Variants in CACNA1C observed in about 807,000 individuals in gnomAD.
CACNA1C encodes calcium voltage-gated channel subunit alpha1 C.
A neutral mutation model predicts 229.0 loss-of-function variants in CACNA1C; 30 were observed. The observed-to-expected ratio is 0.13, with a 90% CI of 0.10 to 0.18. The LOEUF is 0.18. CACNA1C is among the 10% of genes least tolerant of loss of function. The probability of loss-of-function intolerance (pLI) is 1.00; values close to 1 mark genes in which losing one functional copy is unlikely to be tolerated. For synonymous variants in CACNA1C, 1,114 were observed against 1,132.5 expected, an observed-to-expected ratio of 0.98 and a Z score of 0.33; for missense variants, 1,658 against 2,845.0, an observed-to-expected ratio of 0.58 and a Z score of 9.49.
At chr12:2,675,227 C>T (rs1418074109) in intron 39 of CACNA1C, among the ~76,000 whole-genome samples, 4 of 151,944 alleles carry the variant, frequency 2.6e-5, no homozygotes, top group Non-Finnish European at 5.9e-5. Context: ...AATATAATGC[C>T]TTCACTCTAA....
intron 28 of CACNA1C, among the ~76,000 whole-genome samples, chr12:2,610,979 G>A (rs1473531152): frequency 4.6e-5 from 7 of 151,904 alleles, no homozygotes; most frequent in Admixed American, 1.3e-4. Flanking sequence ...TGGAGAGAGG[G>A]GAGGAGATGG....
At position 2,275,399 on chromosome 12, in the gene CACNA1C, G is replaced by A. The variant is rs1213916012; in HGVS notation, c.477+154969G>A. Among the ~76,000 whole-genome samples the A allele has an allele frequency of 6.6e-6, 1 of 152,062 alleles. No individual in the cohort carries two copies. Among genetic ancestry groups the A allele is most frequent in the Non-Finnish European group, 1.5e-5 (1 of 68,024 alleles). The stretch of plus-strand genomic sequence containing the variant: ...CTGGCTGTGTCTTCCCGGAAGGCTC[G>A]TGCCCGCACAGATTGTCTGGTGAGC... On this transcript the variant is annotated intron_variant, in intron 3 of 46. Coordinates refer to ENST00000399655, the MANE Select transcript of CACNA1C (RefSeq NM_000719.7). The surrounding 1 kb of genome is among the most constrained non-coding windows in gnomAD (Gnocchi z 4.1).
At chr12:2,065,836 G>A (rs553506297) in intron 1 of CACNA1C, among the ~76,000 whole-genome samples, 7 of 152,300 alleles carry the variant, frequency 4.6e-5, no homozygotes, top group South Asian at 2.1e-4. Context: ...AGGGATGTGC[G>A]TTGGATTTCA....
intron 1 of CACNA1C, among the ~76,000 whole-genome samples, chr12:1,987,133 C>T (rs906695439): frequency 1.3e-5 from 2 of 152,206 alleles, no homozygotes; most frequent in Admixed American, 6.5e-5. Context: ...CCCAGCTTTA[C>T]AAACGATTTG....
intron 3 of CACNA1C, among the ~76,000 whole-genome samples, chr12:2,363,332 T>C (rs2097619180): frequency 6.6e-6 from 1 of 152,190 alleles, no homozygotes; most frequent in Non-Finnish European, 1.5e-5. Context: ...ACTAAAATGA[T>C]CATTCTTCCC....
chr12:2,524,080 G>A (rs535119493), intron 9 of CACNA1C, among the ~76,000 whole-genome samples: 6 of 152,294 alleles, frequency 3.9e-5, no homozygotes, highest in South Asian at 2.1e-4. Context: ...TATTTCCATC[G>A]TCGGGTGCAT....
intron 1 of CACNA1C, among the ~76,000 whole-genome samples, chr12:2,026,280 T>A (rs2047307505): frequency 6.6e-6 from 1 of 152,272 alleles, no homozygotes; most frequent in Non-Finnish European, 1.5e-5. Context: ...ACTTATTGGC[T>A]CTGCTAAAGC....
chr12:2,233,613 G>T (rs1371570857), intron 3 of CACNA1C, among the ~76,000 whole-genome samples: 2 of 152,206 alleles, frequency 1.3e-5, no homozygotes, highest in Non-Finnish European at 2.9e-5. Context: ...CCCTGTCCCA[G>T]TAGCTCCTGG....
chr12:2,090,111 A>G (rs946463169), intron 1 of CACNA1C, among the ~76,000 whole-genome samples: 2 of 152,112 alleles, frequency 1.3e-5, no homozygotes, highest in Admixed American at 6.6e-5. Context: ...GCCCCTGGCA[A>G]CCACCATTCT....
intron 3 of CACNA1C, among the ~76,000 whole-genome samples, chr12:2,177,168 C>G (rs960634585): frequency 1.3e-5 from 2 of 152,184 alleles, no homozygotes; most frequent in African/African-American, 4.8e-5. Flanking sequence ...CTCTCCTTGC[C>G]TGTAACTCTC....
intron 13 of CACNA1C, among the ~76,000 whole-genome samples, chr12:2,581,098 G>C (rs1441988276): frequency 2.0e-5 from 3 of 152,084 alleles, no homozygotes; most frequent in Non-Finnish European, 4.4e-5. Flanking sequence ...CATTCATGGT[G>C]GGGGAAAAAA....
Position 2,685,745 on chromosome 12 carries a change from C to T in CACNA1C, c.5583C>T (p.Tyr1861=). Residue 1861 remains tyrosine, a synonymous_variant, in exon 44 of 47, where the codon TAC becomes TAT. Coordinates refer to ENST00000399655, the MANE Select transcript of CACNA1C (RefSeq NM_000719.7). ...GAGCTCTCTGTTCCAGGCTCTCCTA[C>T]CAGGATGACGAAAATCGGCAACTGA... ...PSLLSTEMLS[Y]QDDENRQLTL... 2 of 1,613,364 alleles carry T rather than the reference C, an allele frequency of 1.2e-6. No individual in the cohort carries two copies. The highest frequency in any genetic ancestry group is 1.7e-5 in the Admixed American group (1 of 60,026).
intron 3 of CACNA1C, among the ~76,000 whole-genome samples, chr12:2,145,994 G>A (rs896316745): frequency 6.6e-6 from 1 of 151,142 alleles, no homozygotes; most frequent in Non-Finnish European, 1.5e-5. Flanking sequence ...TTTGTGAGGG[G>A]CATTATCTCA....
chr12:2,688,808 A>T, intron 46 of CACNA1C, 29 bp downstream of exon 46: 1 of 1,455,142 alleles, frequency 6.9e-7, no homozygotes, highest in Non-Finnish European at 9.1e-7. Flanking sequence ...GGCAGGGGGG[A>T]GAGGCCACGG....
chr12:2,310,371 A>ATG (rs1555425946), intron 3 of CACNA1C, among the ~76,000 whole-genome samples: 3 of 150,576 alleles, frequency 2.0e-5, no homozygotes, highest in South Asian at 2.1e-4. Context: ...ATATATATAT[A>ATG]TGTATGGGAA....
intron 3 of CACNA1C, among the ~76,000 whole-genome samples, chr12:2,341,299 C>T (rs7959938): frequency 6.6e-5 from 10 of 152,070 alleles, no homozygotes; most frequent in African/African-American, 2.4e-4. Context: ...GCACATGGTG[C>T]GAGCTTGGCA....
At chr12:2,172,679 C>T (rs2096531723) in intron 3 of CACNA1C, among the ~76,000 whole-genome samples, 1 of 152,158 alleles carries the variant, frequency 6.6e-6, no homozygotes, top group South Asian at 2.1e-4. Flanking sequence ...CTAGTCTTTC[C>T]TGGCAATAAG....
chr12:2,638,941 C>T (rs116820677), intron 30 of CACNA1C, among the ~76,000 whole-genome samples: 1 of 152,158 alleles, frequency 6.6e-6, no homozygotes, highest in Non-Finnish European at 1.5e-5. Context: ...AAGATGGTAC[C>T]CAAAGCCCCG....
At chr12:2,208,963 A>G (rs1444076636) in intron 3 of CACNA1C, among the ~76,000 whole-genome samples, 4 of 152,052 alleles carry the variant, frequency 2.6e-5, no homozygotes, top group Admixed American at 1.3e-4. Flanking sequence ...CCTGCCCCAG[A>G]CCCCTGGGCC....
Sources: allele counts gnomAD v4.1 joint callset (sites outside exome capture counted in the v4.1 genomes callset), GRCh38; gene constraint gnomAD v4.1.1; non-coding constraint Gnocchi (gnomAD v3.1); transcripts MANE v1.5; gene names NCBI Gene and HGNC (gene_info 2026-07-23, HGNC 2026-07-21).